The following FGD6 variants were observed in gnomAD, a reference collection of about 807,000 sequenced individuals.
The protein encoded by FGD6 is FYVE, RhoGEF and PH domain containing 6.
In FGD6, 90 loss-of-function variants were observed where a neutral mutation model predicts 149.4. That is an observed-to-expected ratio of 0.60 (90% CI 0.51 to 0.72). FGD6 has a LOEUF of 0.72. Ranked by LOEUF, FGD6 falls within the 30% of genes least tolerant of loss-of-function variation. FGD6 has a pLI of 0.00. For synonymous variants in FGD6, 527 were observed against 584.0 expected, an observed-to-expected ratio of 0.90 and a Z score of 1.41; for missense variants, 1,437 against 1,684.8, an observed-to-expected ratio of 0.85 and a Z score of 2.57.
chr12:95,146,726 T>C (rs956484469), intron 5 of FGD6, among the ~76,000 whole-genome samples: 1 of 152,286 alleles, frequency 6.6e-6, no homozygotes, highest in Non-Finnish European at 1.5e-5. Flanking sequence ...AATGGGCCTC[T>C]GAATTATGAA....
intron 8 of FGD6, among the ~76,000 whole-genome samples, chr12:95,127,372 C>T (rs1037247362): frequency 1.3e-5 from 2 of 151,906 alleles, no homozygotes; most frequent in African/African-American, 2.4e-5. Flanking sequence ...GGTGAAACCC[C>T]GTCTCTACTA....
intron 18 of FGD6, among the ~76,000 whole-genome samples, chr12:95,086,542 T>C (rs566083214): frequency 8.7e-4 from 118 of 135,070 alleles, no homozygotes; most frequent in African/African-American, 2.5e-3. Context: ...TTTTCTTTTT[T>C]TTTTTTTTTT....
At chr12:95,204,710 G>A (rs199657048) in intron 2 of FGD6, among the ~76,000 whole-genome samples, 24 of 151,064 alleles carry the variant, frequency 1.6e-4, no homozygotes, top group African/African-American at 4.1e-4. Flanking sequence ...GCATGCACGC[G>A]CACACACACA....
chr12:95,192,571 T>C lies in FGD6; in HGVS notation c.2441+16272A>G, dbSNP rs143083204. On this transcript the variant is annotated intron_variant, in intron 2 of 20. Transcript: ENST00000343958. The stretch of plus-strand genomic sequence containing the variant: ...CTGAGGACAAGGCAGTGTAACAAAA[T>C]TTAGGATCCCCCATCCATGCAGGCT... Among the ~76,000 whole-genome samples, 986 of 152,176 alleles carry C rather than the reference T, an allele frequency of 6.5e-3. 10 individuals carry two copies. The highest frequency in any genetic ancestry group is 0.044 in the Middle Eastern group (13 of 294).
rs1881742850 is a variant in FGD6, at chr12:95,196,583, A to G, written c.2441+12260T>C. On this transcript the variant is annotated intron_variant, in intron 2 of 20. Transcript: ENST00000343958. ...TATGACTATGGCATTTATTCACTTA[A>G]AACAAGACAAACCAAGTTCAGTTCA... 3.3e-5 allele frequency among the ~76,000 whole-genome samples: 5 copies of G among 152,098 alleles called. No individual in the cohort carries two copies. In the South Asian group the frequency reaches 8.3e-4, roughly 25 times the overall value.
At chr12:95,172,852 A>T (rs1881034445) in intron 2 of FGD6, 108 bp from the exon 3 acceptor site, 1 of 895,262 alleles carries the variant, frequency 1.1e-6, no homozygotes, top group Admixed American at 2.8e-5. Context: ...AGATATATCT[A>T]AGGGATGTGG....
At chr12:95,099,953 T>G (rs1878364044) in intron 14 of FGD6, among the ~76,000 whole-genome samples, 2 of 152,012 alleles carry the variant, frequency 1.3e-5, no homozygotes, top group African/African-American at 4.8e-5. Flanking sequence ...TTTAACATAC[T>G]ATACCCTTTC....
chr12:95,137,409 C>T, intron 7 of FGD6, 113 bp downstream of exon 7: 1 of 941,902 alleles, frequency 1.1e-6, no homozygotes, highest in African/African-American at 1.7e-5. Context: ...GAAGGGATTA[C>T]TTTTTAACTT....
intron 16 of FGD6, 123 bp downstream of exon 16, chr12:95,092,571 CATAAT>C (rs1878091335): frequency 6.1e-6 from 6 of 984,804 alleles, no homozygotes; most frequent in Non-Finnish European, 8.4e-6. Context: ...CTACCATTAA[CATAAT>C]AATAATAATA....
intron 2 of FGD6, among the ~76,000 whole-genome samples, chr12:95,194,666 T>C (rs1178345819): frequency 2.0e-5 from 3 of 152,128 alleles, no homozygotes; most frequent in Admixed American, 6.5e-5. Context: ...GATGGAATGG[T>C]GAAGATGGAG....
Position 95,158,163 on chromosome 12 carries a change from C to CT in FGD6, c.2587-5171dup, listed in dbSNP as rs11294901. 5.3e-3 allele frequency among the ~76,000 whole-genome samples: 428 copies of CT among 81,450 alleles called. 1 individual carries two copies. The highest frequency in any genetic ancestry group is 7.0e-3 in the Non-Finnish European group (321 of 45,552). The allele number at this position is 81,450 out of a possible 152,430, so 53.4% of individuals were successfully genotyped here. A position where few individuals can be genotyped will look rare whatever the true frequency, so the allele number is the denominator to read the frequency against. On this transcript the variant is annotated intron_variant, in intron 3 of 20. Transcript: ENST00000343958. ...CCGTGCCTGGCCATACATTCACTCA[C>CT]TTTTTTTTTTTTTTTTTTTTTTTTA...
intron 2 of FGD6, among the ~76,000 whole-genome samples, chr12:95,191,106 CT>C (rs1268935530): frequency 6.6e-6 from 1 of 152,056 alleles, no homozygotes; most frequent in Non-Finnish European, 1.5e-5. Context: ...TTTGCATTTT[CT>C]GAGTAGCACA....
At chr12:95,216,802 G>T (rs140304250) in intron 1 of FGD6, among the ~76,000 whole-genome samples, 1 of 152,136 alleles carries the variant, frequency 6.6e-6, no homozygotes, top group East Asian at 1.9e-4. Flanking sequence ...GCAGATACAA[G>T]GTTGAAAGCG....
chr12:95,137,957 C>T (rs1262593723), intron 6 of FGD6, among the ~76,000 whole-genome samples: 3 of 152,120 alleles, frequency 2.0e-5, no homozygotes, highest in Admixed American at 6.6e-5. Flanking sequence ...TGCAGTGGCT[C>T]ATACCTGTAA....
At chr12:95,116,639 C>A (rs551036750) in intron 8 of FGD6, among the ~76,000 whole-genome samples, 1 of 152,138 alleles carries the variant, frequency 6.6e-6, no homozygotes, top group Non-Finnish European at 1.5e-5. Context: ...ACCGTTAACA[C>A]GTTGCAACAT....
chr12:95,125,989 G>A, intron 8 of FGD6: 1 of 1,392,850 alleles, frequency 7.2e-7, no homozygotes. Context: ...CCACAAGCCT[G>A]GCAGAAGGTA....
intron 8 of FGD6, among the ~76,000 whole-genome samples, chr12:95,133,343 G>A (rs1440793952): frequency 1.3e-5 from 2 of 152,128 alleles, no homozygotes; most frequent in Non-Finnish European, 2.9e-5. Context: ...GCTTGAACCT[G>A]GGAGATGGAG....
Position 95,143,294 on chromosome 12 carries a change from T to G in FGD6, c.2686-1755A>C, listed in dbSNP as rs202236509. ...TAACCATGAGGTTTGTTTTTTTTTGTTTTTTTTTTTTTTAACTCTGGACAA... is the reference window on the plus strand; with the variant it reads ...TAACCATGAGGTTTGTTTTTTTTTGGTTTTTTTTTTTTTAACTCTGGACAA... On this transcript the variant is annotated intron_variant, in intron 5 of 20. Transcript: ENST00000343958. Among the ~76,000 whole-genome samples, 59 of 3,578 alleles carry G rather than the reference T, an allele frequency of 0.016. No individual in the cohort carries two copies. In the South Asian group the frequency reaches 0.2, roughly 12 times the overall value. The allele number at this position is 3,578 out of a possible 152,430, so 2.3% of individuals were successfully genotyped here.
chr12:95,078,747 C>G lies in FGD6; in HGVS notation c.*2773G>C, dbSNP rs1471803311. On this transcript the variant is annotated 3_prime_UTR_variant, in exon 21 of 21. Transcript: ENST00000343958. Reference sequence around the variant, plus strand: ...TCTGATGGGTCCTGTACATTTATAGCTGCCACAGATAAAGGTGGACTGCTA... The same window carrying G: ...TCTGATGGGTCCTGTACATTTATAGGTGCCACAGATAAAGGTGGACTGCTA... The G allele has an allele frequency of 6.6e-6, 1 of 152,240 alleles. No homozygotes were observed. Among genetic ancestry groups the G allele is most frequent in the Non-Finnish European group, 1.5e-5 (1 of 68,044 alleles). 9.4% of individuals were successfully genotyped at this position (152,240 alleles called of 1,614,324 possible).
Sources: gnomAD v4.1 joint callset for allele counts (sites outside exome capture counted in the v4.1 genomes callset) on GRCh38, gnomAD v4.1.1 for gene constraint, MANE v1.5 for transcripts, NCBI Gene and HGNC (gene_info 2026-07-23, HGNC 2026-07-21) for gene names.